Variants in GRIP1 observed in about 807,000 individuals in gnomAD.
GRIP1 encodes the protein glutamate receptor interacting protein 1, also known as glutamate receptor-interacting protein 1.
In GRIP1, 45 loss-of-function variants were observed where a neutral mutation model predicts 129.9. That is an observed-to-expected ratio of 0.35 (90% CI 0.27 to 0.44). The LOEUF (loss-of-function observed/expected upper bound fraction) is 0.44. GRIP1 is among the 20% of genes least tolerant of loss of function. GRIP1 has a pLI of 1.00. For synonymous variants in GRIP1, 530 were observed against 520.8 expected (o/e 1.02, Z -0.24); for missense variants, 1,196 against 1,396.8 (o/e 0.86, Z 2.29).
intron 1 of GRIP1, among the ~76,000 whole-genome samples, chr12:66,939,392 A>G (rs1242418392): frequency 6.6e-6 from 1 of 152,210 alleles, no homozygotes; most frequent in Non-Finnish European, 1.5e-5. Context: ...GAGACTCTGT[A>G]CATCCTAGGC....
chr12:66,380,495 C>T (rs541564875), intron 19 of GRIP1, among the ~76,000 whole-genome samples: 38 of 152,284 alleles, frequency 2.5e-4, no homozygotes, highest in Admixed American at 9.2e-4. Flanking sequence ...CAGGGAGTTA[C>T]ATCTGATTAG....
At chr12:66,661,473 AGGTGG>A (rs1565949589) in intron 1 of GRIP1, among the ~76,000 whole-genome samples, 8 of 74,372 alleles carry the variant, frequency 1.1e-4, no homozygotes, top group African/African-American at 1.3e-4. Context: ...AAAAAAAAAA[AGGTGG>A]AGGGGAGATG....
At chr12:66,603,209 C>A (rs1395544936) in intron 1 of GRIP1, among the ~76,000 whole-genome samples, 5 of 150,992 alleles carry the variant, frequency 3.3e-5, no homozygotes, top group African/African-American at 9.7e-5. Context: ...AAACAGAGCA[C>A]AATTTCATTT....
At chr12:66,933,505 T>C (rs1005179156) in intron 1 of GRIP1, among the ~76,000 whole-genome samples, 8 of 152,210 alleles carry the variant, frequency 5.3e-5, no homozygotes, top group South Asian at 2.1e-4. Context: ...TTTTCCCTTA[T>C]ACAGTTTAAC....
At chr12:66,974,617 A>T (rs7302539) in intron 1 of GRIP1, among the ~76,000 whole-genome samples, 150,041 of 152,316 alleles carry the variant, frequency 0.99, 73,905 homozygotes, top group East Asian at 1. Flanking sequence ...TTTTTAAATA[A>T]GATATAAAAA....
chr12:66,492,810 G>A (rs2060137597), intron 7 of GRIP1, among the ~76,000 whole-genome samples: 1 of 152,120 alleles, frequency 6.6e-6, no homozygotes, highest in African/African-American at 2.4e-5. Context: ...AGGAGTTCAA[G>A]ACCAGCCTGG....
At chr12:66,419,116 A>C (rs2057713037) in intron 15 of GRIP1, among the ~76,000 whole-genome samples, 2 of 152,138 alleles carry the variant, frequency 1.3e-5, no homozygotes, top group Admixed American at 1.3e-4. Flanking sequence ...TCAGCCATAA[A>C]AAAGAACGAG....
intron 1 of GRIP1, among the ~76,000 whole-genome samples, chr12:66,777,649 G>A (rs192536358): frequency 3.5e-3 from 532 of 152,228 alleles, no homozygotes; most frequent in Non-Finnish European, 5.5e-3. Flanking sequence ...GCACATAGTA[G>A]GTTGTCAATA....
intron 11 of GRIP1, among the ~76,000 whole-genome samples, 198 bp from the exon 12 acceptor site, chr12:66,445,706 T>C (rs996073978): frequency 1.8e-4 from 27 of 152,284 alleles, no homozygotes; most frequent in African/African-American, 6.5e-4. Context: ...ATAACATCAG[T>C]GTATCCCTGC....
chr12:66,941,185 G>A (rs2041579674), intron 1 of GRIP1, among the ~76,000 whole-genome samples: 2 of 151,998 alleles, frequency 1.3e-5, no homozygotes, highest in Admixed American at 1.3e-4. Context: ...TCCATTCAGG[G>A]CAGGTGGTTT....
rs2064076361 is a variant in GRIP1 at position 66,596,942 on chromosome 12, T to A, written c.56-15A>T. ...GGGACTCTCATCTGCAAAGGTACAA[T>A]GAAGCGTTTGGTTAATTTCCATCCA... On this transcript the variant is annotated splice_polypyrimidine_tract_variant and intron_variant, in intron 1 of 24. Transcript: ENST00000359742. 6.4e-7 allele frequency: 1 copy of A among 1,570,934 alleles called. No homozygotes were observed.
At chr12:66,638,591 T>G (rs999951852) in intron 1 of GRIP1, among the ~76,000 whole-genome samples, 1 of 152,184 alleles carries the variant, frequency 6.6e-6, no homozygotes, top group Non-Finnish European at 1.5e-5. Context: ...CTTTCCCTAG[T>G]TTAAGCACTT....
intron 1 of GRIP1, among the ~76,000 whole-genome samples, chr12:66,713,146 T>C (rs1004804353): frequency 1.3e-5 from 2 of 152,028 alleles, no homozygotes; most frequent in Non-Finnish European, 2.9e-5. Context: ...AAAAATGTCA[T>C]TTATTAATTT....
intron 1 of GRIP1, among the ~76,000 whole-genome samples, chr12:66,930,422 C>T (rs1462658044): frequency 6.6e-6 from 1 of 151,004 alleles, no homozygotes; most frequent in Admixed American, 6.6e-5. Context: ...CATGTCCCTA[C>T]AAAGGACATG....
intron 1 of GRIP1, among the ~76,000 whole-genome samples, chr12:66,635,840 A>G (rs1386049120): frequency 6.6e-6 from 1 of 152,210 alleles, no homozygotes; most frequent in Non-Finnish European, 1.5e-5. Context: ...AACGACCAAT[A>G]AAAGTAAGAT....
intron 7 of GRIP1, among the ~76,000 whole-genome samples, chr12:66,479,948 C>T (rs910581968): frequency 6.6e-6 from 1 of 152,080 alleles, no homozygotes; most frequent in African/African-American, 2.4e-5. Context: ...TTATGACAAA[C>T]CCACAGCCAA....
chr12:66,756,688 T>C (rs2037300664), intron 1 of GRIP1, among the ~76,000 whole-genome samples: 3 of 152,300 alleles, frequency 2.0e-5, no homozygotes, highest in South Asian at 2.1e-4. Context: ...CCAGGCAGCA[T>C]GCATCATCTC....
intron 1 of GRIP1, among the ~76,000 whole-genome samples, chr12:66,713,765 GT>G (rs1364458847): frequency 6.6e-6 from 1 of 151,958 alleles, no homozygotes; most frequent in Non-Finnish European, 1.5e-5. Flanking sequence ...TTATCATGTT[GT>G]TATACATCTG....
intron 1 of GRIP1, among the ~76,000 whole-genome samples, chr12:66,767,788 C>T (rs867488698): frequency 5.3e-5 from 8 of 152,134 alleles, no homozygotes; most frequent in Non-Finnish European, 1.2e-4. Flanking sequence ...GCTTTGTCCA[C>T]CATGGACATA....
Sources: gnomAD v4.1 joint callset for allele counts (sites outside exome capture counted in the v4.1 genomes callset) on GRCh38, gnomAD v4.1.1 for gene constraint, MANE v1.5 for transcripts, NCBI Gene and HGNC (gene_info 2026-07-23, HGNC 2026-07-21) for gene names.